SYNE2: variants seen among roughly 807,000 people sequenced by gnomAD.
SYNE2 encodes the protein nesprin-2.
SYNE2 carries 431 observed loss-of-function variants against 856.3 expected under a neutral mutation model. That is an observed-to-expected ratio of 0.50 (90% CI 0.47 to 0.55). SYNE2 has a LOEUF of 0.55. Among genes scored for constraint, SYNE2 ranks in the 20% least tolerant of loss-of-function variants. The probability of loss-of-function intolerance (pLI) is 0.00; values close to 1 mark genes in which losing one functional copy is unlikely to be tolerated. For synonymous variants in SYNE2, 2,923 were observed against 2,872.3 expected (o/e 1.02, Z -0.56); for missense variants, 8,129 against 8,023.2 (o/e 1.01, Z -0.50).
intron 1 of SYNE2, among the ~76,000 whole-genome samples, chr14:63,867,669 G>C (rs973241279): frequency 6.6e-6 from 1 of 152,090 alleles, no homozygotes; most frequent in Non-Finnish European, 1.5e-5. Context: ...CTGCACTCCA[G>C]CCTGGATGAC....
At chr14:64,147,061 A>G (rs564529778) in intron 84 of SYNE2, among the ~76,000 whole-genome samples, 14 of 152,296 alleles carry the variant, frequency 9.2e-5, no homozygotes, top group Admixed American at 9.2e-4. Flanking sequence ...CCTTGGAGTC[A>G]TGTGCTTCCT....
At position 64,159,680 on chromosome 14, in the gene SYNE2, C is replaced by G. The variant is rs561970923; in HGVS notation, c.16094+238C>G. On this transcript the variant is annotated intron_variant, in intron 87 of 115. Coordinates refer to ENST00000555002, the MANE Select transcript of SYNE2 (RefSeq NM_182914.3). ...GTCTAGAAATGGCCTAATAACAACCCCAGTGTACTCACTTACAGACAGTAT... is the reference window on the plus strand; with the variant it reads ...GTCTAGAAATGGCCTAATAACAACCGCAGTGTACTCACTTACAGACAGTAT... 4.6e-5 allele frequency among the ~76,000 whole-genome samples: 7 copies of G among 152,212 alleles called. No individual in the cohort carries two copies. The South Asian group carries it at 1.5e-3, about 32-fold the overall frequency.
intron 92 of SYNE2, among the ~76,000 whole-genome samples, chr14:64,168,051 G>A (rs1008584300): frequency 6.6e-6 from 1 of 152,168 alleles, no homozygotes; most frequent in Non-Finnish European, 1.5e-5. Flanking sequence ...AGTTTCCTCA[G>A]TGCTTATGCT....
chr14:64,220,401 C>G (rs1332130695), intron 110 of SYNE2, 36 bp from the exon 111 acceptor site: 6 of 1,611,648 alleles, frequency 3.7e-6, no homozygotes, highest in Non-Finnish European at 5.1e-6. Context: ...TCCCTACTTT[C>G]AGAGCTCCTA....
intron 37 of SYNE2, among the ~76,000 whole-genome samples, chr14:64,022,385 T>C (rs1055485159): frequency 6.6e-6 from 1 of 152,180 alleles, no homozygotes; most frequent in Non-Finnish European, 1.5e-5. Context: ...GAAAATACAC[T>C]ACAATTATTT....
rs2153715439 is a variant in SYNE2, at chr14:64,162,130, C to T, written c.16153C>T (p.Gln5385Ter). The T allele has an allele frequency of 5.0e-6, 8 of 1,614,202 alleles. No homozygotes were observed. Among genetic ancestry groups the T allele is most frequent in the Non-Finnish European group, 5.9e-6 (7 of 1,180,040 alleles). ...DQLQKAQSLLQLWKAYSNAHG... is the reference protein window; with the variant it reads ...DQLQKAQSLL ...GTTGCAGAAGGCCCAGAGTCTGCTCCAGCTCTGGAAGGCCTATAGCAATGC... is the reference window on the plus strand; with the variant it reads ...GTTGCAGAAGGCCCAGAGTCTGCTCTAGCTCTGGAAGGCCTATAGCAATGC... Residue 5385 changes from glutamine (Q) to a stop codon, truncating the protein, a stop_gained, in exon 88 of 116, where the codon CAG becomes TAG. Coordinates refer to ENST00000555002, the MANE Select transcript of SYNE2 (RefSeq NM_182914.3). LOFTEE classifies it high-confidence loss of function.
At position 64,210,547 on chromosome 14, in the gene SYNE2, G is replaced by A. The variant is rs118109064; in HGVS notation, c.18723+423G>A. ...GCACTGAGGAGGATGGACAAGGCAC[G>A]TGAATGCAAGAGCCCCTGTCTGCAC... On this transcript the variant is annotated intron_variant, in intron 103 of 115. Transcript: ENST00000555002. Among the ~76,000 whole-genome samples, 37 of 152,334 alleles carry A rather than the reference G, an allele frequency of 2.4e-4. No homozygotes were observed. In the East Asian group the frequency reaches 6.2e-3, roughly 25 times the overall value.
chr14:64,070,047 G>A (rs17825316), intron 51 of SYNE2, among the ~76,000 whole-genome samples: 2,217 of 152,254 alleles, frequency 0.015, 49 homozygotes, highest in East Asian at 0.081. Flanking sequence ...CATCTTAGTT[G>A]AGTTCAGGGC....
chr14:63,904,644 TG>T (rs1418922163), intron 1 of SYNE2, among the ~76,000 whole-genome samples: 13 of 152,296 alleles, frequency 8.5e-5, no homozygotes, highest in Admixed American at 7.2e-4. Flanking sequence ...TCATGTCCTT[TG>T]CCCATTTTTT....
At position 63,998,364 on chromosome 14, in the gene SYNE2, A is replaced by G. The variant is rs947625482; in HGVS notation, c.3353+36A>G. The G allele has an allele frequency of 6.3e-6, 9 of 1,419,596 alleles. No homozygotes were observed. In the African/African-American group the frequency reaches 8.4e-5, roughly 13 times the overall value. 87.9% of individuals were successfully genotyped at this position (1,419,596 alleles called of 1,614,324 possible). A position where few individuals can be genotyped will look rare whatever the true frequency, so the allele number is the denominator to read the frequency against. On this transcript the variant is annotated intron_variant, in intron 26 of 115. Coordinates refer to ENST00000555002, the MANE Select transcript of SYNE2 (RefSeq NM_182914.3). ...TTTAAAAACAACTGGAAAATCCACC[A>G]GAAGTCTTTCATCGATGCAAACATG...
At chr14:63,765,586 T>C (rs1421661185) in intron 1 of SYNE2, among the ~76,000 whole-genome samples, 3 of 152,162 alleles carry the variant, frequency 2.0e-5, no homozygotes, top group African/African-American at 7.2e-5. Context: ...CTCGATCTCC[T>C]GACCTCATGA....
At chr14:63,965,117 C>G (rs1044566978) in intron 10 of SYNE2, among the ~76,000 whole-genome samples, 1 of 151,876 alleles carries the variant, frequency 6.6e-6, no homozygotes, top group Non-Finnish European at 1.5e-5. Context: ...CATCCGCCAC[C>G]AGGCCCGGCT....
intron 1 of SYNE2, among the ~76,000 whole-genome samples, chr14:63,812,331 A>G (rs12147063): frequency 0.63 from 96,224 of 152,054 alleles, 30,929 homozygotes; most frequent in South Asian, 0.77. Flanking sequence ...TATTCTGCCC[A>G]ACCCTGCAGG....
chr14:63,937,162 G>A (rs572316159), intron 2 of SYNE2, among the ~76,000 whole-genome samples: 5 of 152,144 alleles, frequency 3.3e-5, no homozygotes, highest in Admixed American at 6.6e-5. Context: ...TGTTTCAGTC[G>A]AATGGCAGGG....
At chr14:64,112,495 C>T (rs2097818955) in intron 65 of SYNE2, among the ~76,000 whole-genome samples, 2 of 152,210 alleles carry the variant, frequency 1.3e-5, no homozygotes, top group Non-Finnish European at 2.9e-5. Context: ...ATCCAATTAT[C>T]TTTTGCCTCC....
At chr14:64,185,369 C>G (rs1279181221) in intron 96 of SYNE2, among the ~76,000 whole-genome samples, 1 of 152,034 alleles carries the variant, frequency 6.6e-6, no homozygotes, top group African/African-American at 2.4e-5. Flanking sequence ...GAATTGTAAG[C>G]ACAATAAAAA....
At chr14:63,805,528 C>T (rs1434173957) in intron 1 of SYNE2, among the ~76,000 whole-genome samples, 1 of 152,154 alleles carries the variant, frequency 6.6e-6, no homozygotes, top group African/African-American at 2.4e-5. Flanking sequence ...GCTGGGACTA[C>T]AGGCGCCCGC....
At chr14:64,129,676 C>T in intron 74 of SYNE2, 106 bp from the exon 75 acceptor site, 2 of 1,526,268 alleles carry the variant, frequency 1.3e-6, no homozygotes, top group Admixed American at 1.9e-5. Flanking sequence ...GGGATTTTTG[C>T]TTTTCCCTTC....
At position 64,225,916 on chromosome 14, in the gene SYNE2, T is replaced by C. The variant is rs1002143660; in HGVS notation, c.*390T>C. The C allele has an allele frequency of 1.2e-5, 5 of 405,522 alleles. No homozygotes were observed. Among genetic ancestry groups the C allele is most frequent in the Non-Finnish European group, 1.8e-5 (4 of 224,076 alleles). 25.1% of individuals were successfully genotyped at this position (405,522 alleles called of 1,614,324 possible). On this transcript the variant is annotated 3_prime_UTR_variant, in exon 116 of 116. Coordinates refer to ENST00000555002, the MANE Select transcript of SYNE2 (RefSeq NM_182914.3). The stretch of plus-strand genomic sequence containing the variant: ...TATATTATAGAAGCAAGCGAGGACA[T>C]TCCACCCTAGAAATGGTTCAGAAAC...
Sources: gnomAD v4.1 joint callset for allele counts (sites outside exome capture counted in the v4.1 genomes callset) on GRCh38, gnomAD v4.1.1 for gene constraint, MANE v1.5 for transcripts, NCBI Gene and HGNC (gene_info 2026-07-23, HGNC 2026-07-21) for gene names.